Variants in SLC28A1 observed in about 807,000 individuals in gnomAD.
SLC28A1 encodes sodium/nucleoside cotransporter 1.
SLC28A1 carries 64 observed loss-of-function variants against 74.8 expected under a neutral mutation model. The observed-to-expected ratio is 0.86, with a 90% CI of 0.70 to 1.05. The LOEUF is 1.05. SLC28A1 is among the 50% of genes least tolerant of loss of function. SLC28A1 has a pLI of 0.00. For synonymous variants in SLC28A1, 359 were observed against 335.0 expected (o/e 1.07, Z -0.78); for missense variants, 828 against 822.8 (o/e 1.01, Z -0.08).
the SLC28A1 span, among the ~76,000 whole-genome samples, chr15:84,963,884 C>G: frequency 3.9e-5 from 6 of 152,306 alleles, no homozygotes; most frequent in South Asian, 6.2e-4. Context: ...CTAGCTCCAG[C>G]CTCACTGAGC....
At chr15:84,906,244 T>C (rs1440845364) in intron 8 of SLC28A1, among the ~76,000 whole-genome samples, 6 of 149,368 alleles carry the variant, frequency 4.0e-5, no homozygotes, top group African/African-American at 1.5e-4. Context: ...GGTCTCGAAC[T>C]CCTGACCTCA....
the SLC28A1 span, among the ~76,000 whole-genome samples, chr15:84,952,548 C>T: frequency 1.3e-5 from 2 of 152,228 alleles, no homozygotes; most frequent in African/African-American, 4.8e-5. Flanking sequence ...TGACAAAGGA[C>T]ACATTTTTAT....
intron 12 of SLC28A1, among the ~76,000 whole-genome samples, chr15:84,926,952 C>T (rs1349320112): frequency 6.6e-6 from 1 of 152,170 alleles, no homozygotes; most frequent in African/African-American, 2.4e-5. Context: ...ATCTCTCCTT[C>T]ACTCCGGATG....
rs201199572 is a variant in SLC28A1, at chr15:84,890,426, G to A, written c.186-17G>A. On this transcript the variant is annotated splice_polypyrimidine_tract_variant and intron_variant, in intron 4 of 18. Transcript: ENST00000394573. ...GTCTGCTCATGCACTCATGGACCCT[G>A]CTGGTCTTGTTCCCAGGAGGAACCT... 2 of 1,590,926 alleles carry A rather than the reference G, an allele frequency of 1.3e-6. No individual in the cohort carries two copies. The highest frequency in any genetic ancestry group is 1.7e-6 in the Non-Finnish European group (2 of 1,166,248).
At chr15:84,899,165 G>A (rs1966331136) in intron 6 of SLC28A1, among the ~76,000 whole-genome samples, 1 of 149,580 alleles carries the variant, frequency 6.7e-6, no homozygotes, top group Middle Eastern at 3.5e-3. Context: ...TACTAAGAAG[G>A]TTTTGGCTCA....
chr15:84,914,294 C>A (rs1596293107), intron 9 of SLC28A1, among the ~76,000 whole-genome samples: 1 of 152,304 alleles, frequency 6.6e-6, no homozygotes, highest in South Asian at 2.1e-4. Context: ...CCCTCATAAC[C>A]TAATCACCCC....
the SLC28A1 span, among the ~76,000 whole-genome samples, chr15:84,974,548 C>G: frequency 6.6e-6 from 1 of 152,050 alleles, no homozygotes; most frequent in African/African-American, 2.4e-5. Flanking sequence ...CAACCTCCAG[C>G]TTTAGCCAAA....
chr15:84,961,918 G>C, the SLC28A1 span, among the ~76,000 whole-genome samples: 1 of 152,240 alleles, frequency 6.6e-6, no homozygotes, highest in South Asian at 2.1e-4. Context: ...TGCTCATTTG[G>C]TTTACATTTG....
intron 2 of SLC28A1, 117 bp downstream of exon 2, chr15:84,886,904 T>C: frequency 1.2e-5 from 5 of 429,026 alleles, no homozygotes; most frequent in Non-Finnish European, 1.2e-5. Flanking sequence ...TCTGAGTATG[T>C]CAGCCTAACT....
At chr15:84,896,666 G>A (rs1269804171) in intron 6 of SLC28A1, among the ~76,000 whole-genome samples, 3 of 152,056 alleles carry the variant, frequency 2.0e-5, no homozygotes, top group Admixed American at 6.5e-5. Context: ...ACAAAAATTA[G>A]CCAGGCATGG....
chr15:84,887,640 G>T, intron 2 of SLC28A1, 105 bp from the exon 3 acceptor site: 1 of 1,549,026 alleles, frequency 6.5e-7, no homozygotes, highest in Non-Finnish European at 8.7e-7. Flanking sequence ...GCTGTGCCAG[G>T]CATCTGCTCC....
At chr15:84,925,067 GTTTTTTTTT>G (rs964017770) in intron 12 of SLC28A1, among the ~76,000 whole-genome samples, 11 of 84,164 alleles carry the variant, frequency 1.3e-4, no homozygotes, top group East Asian at 3.9e-4. Context: ...CGCCCAGCTA[GTTTTTTTTT>G]TTTTTTTTTT....
the SLC28A1 span, among the ~76,000 whole-genome samples, chr15:84,963,422 C>T: frequency 6.6e-6 from 1 of 152,124 alleles, no homozygotes; most frequent in African/African-American, 2.4e-5. Context: ...TAGAATATTC[C>T]CTCACTAGAT....
At chr15:84,954,699 T>C in the SLC28A1 span, among the ~76,000 whole-genome samples, 1 of 152,244 alleles carries the variant, frequency 6.6e-6, no homozygotes, top group East Asian at 1.9e-4. Context: ...TTGTAGCACG[T>C]TGGCTTCCTC....
At chr15:84,934,908 A>G in intron 13 of SLC28A1, 118 bp from the exon 14 acceptor site, 1 of 894,578 alleles carries the variant, frequency 1.1e-6, no homozygotes, top group Non-Finnish European at 1.9e-6. Flanking sequence ...TCTCAGGGAA[A>G]ATTAGGATTT....
chr15:84,958,490 G>C, the SLC28A1 span, among the ~76,000 whole-genome samples: 1 of 151,594 alleles, frequency 6.6e-6, no homozygotes, highest in Non-Finnish European at 1.5e-5. Context: ...CATCACACTT[G>C]GTTAATAGCT....
rs1454573278 is a variant in SLC28A1 at position 84,887,892 on chromosome 15, C to T, written c.96+36C>T. 3.3e-6 allele frequency: 5 copies of T among 1,504,666 alleles called. No homozygotes were observed. The South Asian group carries it at 5.6e-5, about 17-fold the overall frequency. The allele number at this position is 1,504,666 out of a possible 1,614,324, so 93.2% of individuals were successfully genotyped here. A position where few individuals can be genotyped will look rare whatever the true frequency, so the allele number is the denominator to read the frequency against. ...TTCCCCATCAGTCATCCTGACCCCT[C>T]AGCCTCTTTGGCTTGAGCCCGGCTG... On this transcript the variant is annotated intron_variant, in intron 3 of 18. Transcript: ENST00000394573.
intron 15 of SLC28A1, among the ~76,000 whole-genome samples, chr15:84,936,181 G>T (rs953782907): frequency 1.1e-4 from 16 of 151,180 alleles, no homozygotes; most frequent in African/African-American, 3.9e-4. Flanking sequence ...CTGACCTCGT[G>T]ATCTGCCCAC....
chr15:84,885,844 T>G (rs781199570), intron 1 of SLC28A1, among the ~76,000 whole-genome samples: 2 of 152,192 alleles, frequency 1.3e-5, no homozygotes, highest in African/African-American at 2.4e-5. Flanking sequence ...TCTCTAATGT[T>G]TAAATGTTTA....
Sources: gnomAD v4.1 joint callset for allele counts (sites outside exome capture counted in the v4.1 genomes callset) on GRCh38, gnomAD v4.1.1 for gene constraint, MANE v1.5 for transcripts, NCBI Gene and HGNC (gene_info 2026-07-23, HGNC 2026-07-21) for gene names.